SH3PXD2A: variants seen among roughly 807,000 people sequenced by gnomAD.
SH3PXD2A encodes the protein SH3 and PX domain-containing protein 2A.
SH3PXD2A carries 32 observed loss-of-function variants against 115.2 expected under a neutral mutation model. The ratio of observed to expected loss-of-function variants is 0.28; its 90% confidence interval spans 0.21 to 0.37. The LOEUF (loss-of-function observed/expected upper bound fraction) is 0.37. Ranked by LOEUF, SH3PXD2A falls within the 10% of genes least tolerant of loss-of-function variation. The pLI, the probability that SH3PXD2A is intolerant of heterozygous loss-of-function variation, is 1.00. For synonymous variants in SH3PXD2A, 610 were observed against 629.1 expected (o/e 0.97, Z 0.45); for missense variants, 1,328 against 1,498.7 (o/e 0.89, Z 1.88).
rs1437965811 is a variant in SH3PXD2A, at chr10:103,602,578, C to G, written c.2640G>C (p.Val880=). The change falls in exon 15 of 15, where the codon GTG becomes GTC. Residue 880 remains valine (V), a synonymous_variant. Transcript: ENST00000369774. ...LEKQESGWWY[V]RFGELEGWAP... ...CCCAGCCCTCCAGCTCCCCAAACCT[C>G]ACATACCACCACCCGCTCTCCTGCT... The G allele has an allele frequency of 3.1e-6, 5 of 1,614,228 alleles. No homozygotes were observed. Among genetic ancestry groups the G allele is most frequent in the East Asian group, 4.5e-5 (2 of 44,882 alleles).
At chr10:103,841,136 G>A (rs1018730059) in intron 1 of SH3PXD2A, among the ~76,000 whole-genome samples, 24 of 152,186 alleles carry the variant, frequency 1.6e-4, no homozygotes, top group African/African-American at 4.1e-4. Flanking sequence ...GTATGAGGTC[G>A]GAGGGGAAGG....
In SH3PXD2A at chr10:103,599,828, A is replaced by G. The variant is rs1428147639; in HGVS notation, c.*1988T>C. 6.5e-6 allele frequency: 1 copy of G among 152,686 alleles called. No individual in the cohort carries two copies. The highest frequency in any genetic ancestry group is 1.5e-5 in the Non-Finnish European group (1 of 68,052). The allele number at this position is 152,686 out of a possible 1,614,324, so 9.5% of individuals were successfully genotyped here. A position where few individuals can be genotyped will look rare whatever the true frequency, so the allele number is the denominator to read the frequency against. Reference sequence around the variant, plus strand: ...TAATACTGTCCAGCAGAAGAAAATAACTAATTTCAATTTTAAACAAACTCA... The same window carrying G: ...TAATACTGTCCAGCAGAAGAAAATAGCTAATTTCAATTTTAAACAAACTCA... On this transcript the variant is annotated 3_prime_UTR_variant, in exon 15 of 15. Transcript: ENST00000369774.
rs1439021957 is a variant in SH3PXD2A at position 103,784,171 on chromosome 10, C to G, written c.154-17002G>C. Among the ~76,000 whole-genome samples the G allele has an allele frequency of 6.6e-6, 1 of 152,232 alleles. No individual in the cohort carries two copies. Among genetic ancestry groups the G allele is most frequent in the Non-Finnish European group, 1.5e-5 (1 of 68,022 alleles). The stretch of plus-strand genomic sequence containing the variant: ...GAAGTGCAGGGAGAGAAGATGCTGG[C>G]TGCTCGGGGGTTGCTGGGGCACCTG... On this transcript the variant is annotated intron_variant, in intron 2 of 14. Coordinates refer to ENST00000369774, the MANE Select transcript of SH3PXD2A (RefSeq NM_001394015.1). This position sits in a 1 kb window ranked among gnomAD's most constrained non-coding sequence, Gnocchi z 4.4.
At chr10:103,794,606 C>T (rs920983073) in intron 2 of SH3PXD2A, among the ~76,000 whole-genome samples, 2 of 152,186 alleles carry the variant, frequency 1.3e-5, no homozygotes, top group Admixed American at 6.5e-5. Context: ...GGGCATCTGC[C>T]GCCCCTCCTC....
intron 3 of SH3PXD2A, among the ~76,000 whole-genome samples, chr10:103,744,096 C>T (rs1480153737): frequency 6.6e-6 from 1 of 152,050 alleles, no homozygotes; most frequent in Non-Finnish European, 1.5e-5. Flanking sequence ...CAGCTTTCAC[C>T]TGGGTTAGCC....
In SH3PXD2A at chr10:103,801,300, G is replaced by T; in HGVS notation, c.135C>A (p.Ser45Arg). ...STSQTIYRRY[S>R]KFFDLQMQLL... ...AACTCACCTGCAGGTCAAAGAACTTGCTGTACCTCCGGTAGATAGTCTGGG... is the reference window on the plus strand; with the variant it reads ...AACTCACCTGCAGGTCAAAGAACTTTCTGTACCTCCGGTAGATAGTCTGGG... Residue 45 changes from serine to arginine, a missense_variant, in exon 2 of 15, where the codon AGC becomes AGA. Ser to Arg is a moderately radical substitution (Grantham distance 110). Around this residue, in one of 5 missense-constraint regions of SH3PXD2A, gnomAD observed 110 missense variants for 160.0 expected, o/e 0.69. Coordinates refer to ENST00000369774, the MANE Select transcript of SH3PXD2A (RefSeq NM_001394015.1). 6.2e-7 allele frequency: 1 copy of T among 1,609,876 alleles called. No individual in the cohort carries two copies. The highest frequency in any genetic ancestry group is 8.5e-7 in the Non-Finnish European group (1 of 1,176,320).
intron 5 of SH3PXD2A, among the ~76,000 whole-genome samples, chr10:103,717,761 C>T (rs570660053): frequency 3.9e-5 from 6 of 152,324 alleles, no homozygotes; most frequent in South Asian, 2.1e-4. Context: ...TGAGTCCTGC[C>T]GGGCCAGTTT....
intron 14 of SH3PXD2A, 67 bp downstream of exon 14, chr10:103,605,731 A>G: frequency 6.2e-7 from 1 of 1,604,990 alleles, no homozygotes; most frequent in Non-Finnish European, 8.5e-7. Context: ...AAGGCCTAAA[A>G]TGGGAAATGC....
intron 3 of SH3PXD2A, among the ~76,000 whole-genome samples, chr10:103,738,335 C>T (rs1252921307): frequency 6.6e-6 from 1 of 152,230 alleles, no homozygotes; most frequent in Non-Finnish European, 1.5e-5. Flanking sequence ...CTTGATTGCT[C>T]ACATGCCACA....
intron 6 of SH3PXD2A, among the ~76,000 whole-genome samples, chr10:103,680,403 C>A (rs189103658): frequency 6.6e-5 from 10 of 152,200 alleles, no homozygotes; most frequent in African/African-American, 2.4e-4. Flanking sequence ...TTTGCCCTCC[C>A]GAGTAGCTGA....
intron 1 of SH3PXD2A, among the ~76,000 whole-genome samples, chr10:103,841,750 AG>A (rs1414241208): frequency 3.3e-5 from 5 of 152,070 alleles, no homozygotes; most frequent in Admixed American, 3.3e-4. Context: ...AGATAGCCAC[AG>A]GGCTCACTTC....
chr10:103,633,399 G>C (rs1222789646), intron 8 of SH3PXD2A, among the ~76,000 whole-genome samples: 1 of 152,022 alleles, frequency 6.6e-6, no homozygotes, highest in African/African-American at 2.4e-5. Flanking sequence ...CTGGGTGACA[G>C]AGTGAGACTC....
In SH3PXD2A at chr10:103,613,145, C is replaced by G; in HGVS notation, c.966G>C (p.Lys322Asn). 1.9e-6 allele frequency: 3 copies of G among 1,612,154 alleles called. No individual in the cohort carries two copies. The highest frequency in any genetic ancestry group is 1.7e-4 in the Middle Eastern group (1 of 6,050). Residue 322 changes from lysine (K) to asparagine (N), a missense_variant, in exon 12 of 15, where the codon AAG (lysine) becomes AAC (asparagine). Transcript: ENST00000369774. ...EGWAPASYLK[K>N]AKDDLPTRKK... ...TCCGGGTTGGCAGGTCATCCTTGGC[C>G]TTCTTCAGGTAGGATGCTGGCGCCC...
intron 5 of SH3PXD2A, among the ~76,000 whole-genome samples, chr10:103,715,319 C>T (rs2038092817): frequency 6.6e-6 from 1 of 152,222 alleles, no homozygotes; most frequent in South Asian, 2.1e-4. Context: ...CATTCAAGCT[C>T]ACAGGCAGAG....
intron 1 of SH3PXD2A, among the ~76,000 whole-genome samples, chr10:103,831,492 T>C (rs146318828): frequency 6.6e-6 from 1 of 152,274 alleles, no homozygotes; most frequent in East Asian, 1.9e-4. Flanking sequence ...TTTTTTAAAT[T>C]GAGGCATAAC....
chr10:103,719,721 C>CTTTTTT (rs11438501), intron 5 of SH3PXD2A, among the ~76,000 whole-genome samples: 5 of 114,716 alleles, frequency 4.4e-5, no homozygotes, highest in African/African-American at 1.4e-4. Context: ...TTTTTTCTTT[C>CTTTTTT]TTTTTTTTTT....
chr10:103,731,579 C>A (rs568296152), intron 4 of SH3PXD2A, among the ~76,000 whole-genome samples: 80 of 152,276 alleles, frequency 5.3e-4, no homozygotes, highest in African/African-American at 1.8e-3. Flanking sequence ...ATCTGGGTTC[C>A]CCCAGAGAAC....
At chr10:103,611,812 A>C (rs541195901) in intron 12 of SH3PXD2A, among the ~76,000 whole-genome samples, 182 bp from the exon 13 acceptor site, 2 of 152,322 alleles carry the variant, frequency 1.3e-5, no homozygotes, top group South Asian at 4.1e-4. Context: ...TCAAGGGGAA[A>C]CTATAGACCT....
At chr10:103,733,134 A>G (rs970835685) in intron 4 of SH3PXD2A, among the ~76,000 whole-genome samples, 2 of 149,568 alleles carry the variant, frequency 1.3e-5, no homozygotes, top group South Asian at 2.1e-4. Context: ...CCATGGCCCC[A>G]TTCCTTGTCT....
Sources: gnomAD v4.1 joint callset for allele counts (sites outside exome capture counted in the v4.1 genomes callset) on GRCh38, gnomAD v4.1.1 for gene constraint, gnomAD v4.1.1 regional missense constraint, Gnocchi (gnomAD v3.1) non-coding constraint, MANE v1.5 for transcripts, NCBI Gene and HGNC (gene_info 2026-07-23, HGNC 2026-07-21) for gene names.